The following PCLO variants were observed in gnomAD, a reference collection of about 807,000 sequenced individuals.
PCLO encodes the protein piccolo presynaptic cytomatrix protein.
PCLO carries 82 observed loss-of-function variants against 427.5 expected under a neutral mutation model. The ratio of observed to expected loss-of-function variants is 0.19; its 90% confidence interval spans 0.16 to 0.23. PCLO has a LOEUF of 0.23. PCLO is among the 10% of genes least tolerant of loss of function. The pLI is 1.00. For synonymous variants in PCLO, 2,357 were observed against 2,155.4 expected (o/e 1.09, Z -2.59); for missense variants, 6,239 against 6,115.9 (o/e 1.02, Z -0.67).
chr7:83,128,101 T>C (rs1404366024), intron 3 of PCLO, among the ~76,000 whole-genome samples: 1 of 151,892 alleles, frequency 6.6e-6, no homozygotes, highest in Non-Finnish European at 1.5e-5. Flanking sequence ...TTGAATGAAT[T>C]CAGAAGGAGC....
At chr7:82,883,735 G>C (rs1189740980) in intron 9 of PCLO, among the ~76,000 whole-genome samples, 1 of 151,922 alleles carries the variant, frequency 6.6e-6, no homozygotes, top group African/African-American at 2.4e-5. Flanking sequence ...CATGAAAATT[G>C]CTGTTCAGCA....
At chr7:82,951,764 A>G in intron 5 of PCLO, 92 bp downstream of exon 5, 1 of 1,486,234 alleles carries the variant, frequency 6.7e-7, no homozygotes, top group South Asian at 1.4e-5. Flanking sequence ...AAGTAACAAA[A>G]CTGGAAAAGA....
intron 9 of PCLO, among the ~76,000 whole-genome samples, chr7:82,883,986 G>A (rs1793571378): frequency 6.6e-6 from 1 of 152,056 alleles, no homozygotes; most frequent in Non-Finnish European, 1.5e-5. Flanking sequence ...GGCCAGGCTG[G>A]TCTCAAATTC....
intron 1 of PCLO, 69 bp from the exon 2 acceptor site, chr7:83,156,461 AC>A: frequency 2.0e-6 from 2 of 1,007,118 alleles, no homozygotes; most frequent in South Asian, 3.8e-5. Context: ...TCAAAGTAAT[AC>A]AAAAAACCTA....
intron 3 of PCLO, among the ~76,000 whole-genome samples, chr7:83,076,643 G>GTTTTTTTT (rs200052422): frequency 7.5e-6 from 1 of 133,976 alleles, no homozygotes; most frequent in African/African-American, 2.8e-5. Context: ...TTTTTTTGCA[G>GTTTTTTTT]TTTTTTTTTA....
intron 15 of PCLO, among the ~76,000 whole-genome samples, chr7:82,836,767 T>C (rs2115749450): frequency 6.6e-6 from 1 of 152,244 alleles, no homozygotes; most frequent in Admixed American, 6.5e-5. Context: ...ATACTGAATC[T>C]CAAAGAAATT....
intron 3 of PCLO, among the ~76,000 whole-genome samples, chr7:82,976,676 G>A (rs1256685819): frequency 6.6e-6 from 1 of 151,998 alleles, no homozygotes; most frequent in Admixed American, 6.6e-5. Context: ...GTTTCAATCA[G>A]TGTAACATGC....
intron 7 of PCLO, among the ~76,000 whole-genome samples, chr7:82,913,510 G>A (rs1364901823): frequency 6.6e-6 from 1 of 151,650 alleles, no homozygotes; most frequent in Non-Finnish European, 1.5e-5. Context: ...TTTATTTCCA[G>A]AACTCCATCT....
chr7:82,880,336 A>G, intron 9 of PCLO: 1 of 356,826 alleles, frequency 2.8e-6, no homozygotes, highest in Non-Finnish European at 5.7e-6. Flanking sequence ...AGTGGTTTTA[A>G]GACCATTATT....
At chr7:82,925,713 C>CTTTTTTTTTTTTTTTTT (rs34017885) in intron 6 of PCLO, among the ~76,000 whole-genome samples, 3 of 79,012 alleles carry the variant, frequency 3.8e-5, no homozygotes, top group African/African-American at 1.5e-4. Flanking sequence ...ATTTTTGTTG[C>CTTTTTTTTTTTTTTTTT]TTTTTTTTTT....
At chr7:82,941,996 T>G (rs538172342) in intron 6 of PCLO, among the ~76,000 whole-genome samples, 1 of 152,140 alleles carries the variant, frequency 6.6e-6, no homozygotes, top group Non-Finnish European at 1.5e-5. Flanking sequence ...CTGGCCAACA[T>G]GGTGAAACCC....
intron 22 of PCLO, among the ~76,000 whole-genome samples, chr7:82,780,576 C>G (rs1790851592): frequency 6.6e-6 from 1 of 152,200 alleles, no homozygotes; most frequent in South Asian, 2.1e-4. Flanking sequence ...TGAAAGGAGT[C>G]TCGCTCTGTC....
At chr7:83,138,925 T>G (rs1222203049) in intron 2 of PCLO, among the ~76,000 whole-genome samples, 1 of 151,946 alleles carries the variant, frequency 6.6e-6, no homozygotes, top group Non-Finnish European at 1.5e-5. Context: ...TGTATATCTA[T>G]GTAACACACC....
chr7:83,079,166 T>C (rs1203650133), intron 3 of PCLO, among the ~76,000 whole-genome samples: 3 of 152,134 alleles, frequency 2.0e-5, no homozygotes, highest in Non-Finnish European at 4.4e-5. Context: ...CATTAAAAAA[T>C]TGATTTCTGT....
intron 19 of PCLO, among the ~76,000 whole-genome samples, chr7:82,823,425 A>G (rs1457233648): frequency 6.6e-6 from 1 of 152,176 alleles, no homozygotes; most frequent in Non-Finnish European, 1.5e-5. Flanking sequence ...CAAGGAAGTA[A>G]TACTCAAGTC....
At chr7:82,998,924 T>C (rs1034483251) in intron 3 of PCLO, among the ~76,000 whole-genome samples, 2 of 151,670 alleles carry the variant, frequency 1.3e-5, no homozygotes, top group East Asian at 1.9e-4. Flanking sequence ...ATTGTTCTAA[T>C]AGATGAAGTA....
At chr7:83,001,174 A>G (rs1787814505) in intron 3 of PCLO, among the ~76,000 whole-genome samples, 1 of 152,030 alleles carries the variant, frequency 6.6e-6, no homozygotes, top group African/African-American at 2.4e-5. Flanking sequence ...TTTCCTCTCA[A>G]TTTTAATGTT....
rs2115579648 is a variant in PCLO at position 82,956,704 on chromosome 7, G to C, written c.4249C>G (p.Leu1417Val). 2.5e-6 allele frequency: 4 copies of C among 1,613,666 alleles called. No homozygotes were observed. The highest frequency in any genetic ancestry group is 1.7e-5 in the Admixed American group (1 of 59,998). The change falls in exon 5 of 25, where the codon CTA (leucine) becomes GTA (valine). Residue 1417 changes from leucine (L) to valine (V), a missense_variant. This residue lies in a region of PCLO where 4,677 missense variants were observed against 4,468.4 expected (regional missense o/e 1.05). Transcript: ENST00000333891. ...SDLAKLESTV[L>V]SILEAQASTL... ...CTTGCTTGAGCTTCCAAAATAGATA[G>C]GACTGTACTTTCTAACTTAGCCAAA...
At chr7:82,925,713 C>CTT (rs34017885) in intron 6 of PCLO, among the ~76,000 whole-genome samples, 1,798 of 78,960 alleles carry the variant, frequency 0.023, 17 homozygotes, top group Middle Eastern at 0.049. Flanking sequence ...ATTTTTGTTG[C>CTT]TTTTTTTTTT....
Sources: allele counts gnomAD v4.1 joint callset (sites outside exome capture counted in the v4.1 genomes callset), GRCh38; gene constraint gnomAD v4.1.1; regional missense constraint gnomAD v4.1.1; transcripts MANE v1.5; gene names NCBI Gene and HGNC (gene_info 2026-07-23, HGNC 2026-07-21).